GAS7: variants seen among roughly 807,000 people sequenced by gnomAD.
GAS7 encodes the protein growth arrest-specific protein 7.
A neutral mutation model predicts 71.1 loss-of-function variants in GAS7; 28 were observed. The ratio of observed to expected loss-of-function variants is 0.39; its 90% CI spans 0.29 to 0.54. The LOEUF is 0.54. Among genes scored for constraint, GAS7 ranks in the 20% least tolerant of loss-of-function variants. The pLI is 0.62. For synonymous variants in GAS7, 258 were observed against 245.8 expected, an observed-to-expected ratio of 1.05 and a Z score of -0.46; for missense variants, 436 against 627.8, an observed-to-expected ratio of 0.69 and a Z score of 3.27.
intron 1 of GAS7, among the ~76,000 whole-genome samples, chr17:10,146,667 A>G (rs1472090262): frequency 5.9e-5 from 9 of 152,178 alleles, no homozygotes; most frequent in Non-Finnish European, 8.8e-5. Flanking sequence ...GAAACAGGCT[A>G]AACCATGCTC....
At chr17:10,041,796 G>A (rs565520505) in intron 1 of GAS7, among the ~76,000 whole-genome samples, 4 of 152,234 alleles carry the variant, frequency 2.6e-5, no homozygotes, top group East Asian at 1.9e-4. Flanking sequence ...ACACACGAAC[G>A]GCAGACAGCA....
At chr17:10,065,317 T>C (rs1198341711) in intron 1 of GAS7, among the ~76,000 whole-genome samples, 1 of 152,246 alleles carries the variant, frequency 6.6e-6, no homozygotes. Context: ...TTGGCCACTA[T>C]AACACTTGGT....
At chr17:9,928,404 G>C (rs1173858838) in intron 9 of GAS7, among the ~76,000 whole-genome samples, 1 of 151,974 alleles carries the variant, frequency 6.6e-6, no homozygotes, top group Non-Finnish European at 1.5e-5. Flanking sequence ...TTACAGGCGT[G>C]AGCCACCGTG....
intron 3 of GAS7, among the ~76,000 whole-genome samples, chr17:9,971,534 C>T (rs985213273): frequency 6.6e-6 from 1 of 152,148 alleles, no homozygotes; most frequent in African/African-American, 2.4e-5. Context: ...CACTACACTC[C>T]AGCCCACACT....
chr17:10,006,067 G>C (rs2071515579), intron 2 of GAS7, among the ~76,000 whole-genome samples: 1 of 152,152 alleles, frequency 6.6e-6, no homozygotes, highest in Non-Finnish European at 1.5e-5. Flanking sequence ...GAATGGTAAA[G>C]AGACAAGTGA....
At chr17:10,141,007 G>C (rs2074075407) in intron 1 of GAS7, among the ~76,000 whole-genome samples, 1 of 152,352 alleles carries the variant, frequency 6.6e-6, no homozygotes, top group South Asian at 2.1e-4. Flanking sequence ...CCCCACCCTG[G>C]TGTGCACCCA....
intron 1 of GAS7, among the ~76,000 whole-genome samples, chr17:10,031,307 C>G (rs1597726362): frequency 6.6e-6 from 1 of 152,334 alleles, no homozygotes; most frequent in East Asian, 1.9e-4. Context: ...ATGGAGTGAT[C>G]TGGTTAACCA....
chr17:10,070,059 C>G (rs1180440533), intron 1 of GAS7, among the ~76,000 whole-genome samples: 1 of 152,154 alleles, frequency 6.6e-6, no homozygotes, highest in Non-Finnish European at 1.5e-5. Flanking sequence ...CAGAGACCAC[C>G]TAAACCCATC....
intron 1 of GAS7, among the ~76,000 whole-genome samples, chr17:10,154,960 C>G (rs1259538499): frequency 2.0e-5 from 3 of 147,448 alleles, no homozygotes; most frequent in African/African-American, 7.8e-5. Flanking sequence ...ACACACAAAA[C>G]CCATGTCCAC....
intron 1 of GAS7, among the ~76,000 whole-genome samples, chr17:10,187,112 G>A (rs113021182): frequency 7.2e-5 from 11 of 152,116 alleles, no homozygotes; most frequent in African/African-American, 2.2e-4. Context: ...CTGTCTTAAA[G>A]TTAGGTGTGG....
At chr17:10,196,644 C>T (rs796807436) in intron 1 of GAS7, among the ~76,000 whole-genome samples, 11 of 152,298 alleles carry the variant, frequency 7.2e-5, no homozygotes, top group African/African-American at 1.7e-4. Context: ...CACCCCTACA[C>T]AAAACACAGC....
chr17:9,965,228 T>C (rs112387876), intron 4 of GAS7, among the ~76,000 whole-genome samples: 3,322 of 152,316 alleles, frequency 0.022, 153 homozygotes, highest in East Asian at 0.097. Context: ...CACACGTGTT[T>C]ATTGCTACAC....
chr17:10,126,462 T>C (rs2073950200), intron 1 of GAS7, among the ~76,000 whole-genome samples: 1 of 147,474 alleles, frequency 6.8e-6, no homozygotes, highest in Non-Finnish European at 1.5e-5. Flanking sequence ...GCACACGCAC[T>C]CATGCACACA....
intron 1 of GAS7, among the ~76,000 whole-genome samples, chr17:10,035,353 A>T (rs72807400): frequency 0.12 from 18,673 of 152,132 alleles, 1,296 homozygotes; most frequent in Middle Eastern, 0.16. Context: ...CTGGCTATCA[A>T]TGCAGAGCCC....
At chr17:10,036,372 G>C (rs1235489784) in intron 1 of GAS7, 2 of 1,306,276 alleles carry the variant, frequency 1.5e-6, no homozygotes, top group Non-Finnish European at 2.2e-6. Flanking sequence ...AGTCATTTTA[G>C]AAACATGCAG....
intron 2 of GAS7, among the ~76,000 whole-genome samples, chr17:9,993,412 A>C (rs1163731668): frequency 4.6e-5 from 7 of 152,220 alleles, no homozygotes. Context: ...TCTTTTGAGA[A>C]GTGTCTGTTC....
At chr17:9,918,281 G>A (rs1165537281) in intron 12 of GAS7, among the ~76,000 whole-genome samples, 182 bp from the exon 13 acceptor site, 5 of 77,470 alleles carry the variant, frequency 6.5e-5, no homozygotes, top group East Asian at 7.7e-4. Flanking sequence ...CAGCAGCAGC[G>A]GCTGTTTTAC....
intron 6 of GAS7, among the ~76,000 whole-genome samples, chr17:9,945,827 A>G (rs1396960710): frequency 1.3e-5 from 2 of 151,950 alleles, no homozygotes; most frequent in African/African-American, 4.8e-5. Flanking sequence ...AAAATAAAAT[A>G]CAAAAAATTA....
chr17:10,059,285 G>A (rs1309100822), intron 1 of GAS7, among the ~76,000 whole-genome samples: 2 of 152,190 alleles, frequency 1.3e-5, no homozygotes, highest in African/African-American at 4.8e-5. Context: ...GAGCCACGTG[G>A]CCTCTACAAA....
Sources: allele counts gnomAD v4.1 joint callset (sites outside exome capture counted in the v4.1 genomes callset), GRCh38; gene constraint gnomAD v4.1.1; transcripts MANE v1.5; gene names NCBI Gene and HGNC (gene_info 2026-07-23, HGNC 2026-07-21).